The following DEFB112 variants were observed in gnomAD, a reference collection of about 807,000 sequenced individuals.
DEFB112 encodes the protein defensin beta 112.
In DEFB112, 2 loss-of-function variants were observed where a neutral mutation model predicts 1.1. The observed-to-expected ratio is 1.85, with a 90% confidence interval of 0.76 to 5.83. The LOEUF (loss-of-function observed/expected upper bound fraction) is 5.83. Among genes scored for constraint, DEFB112 ranks in the 30% most tolerant of loss-of-function variants. DEFB112 has a pLI of 0.05. For missense variants in DEFB112, 120 were observed against 94.4 expected (o/e 1.27, Z -1.12); for synonymous variants, 40 against 31.2 (o/e 1.28, Z -0.93).
rs1774766264 is a variant in DEFB112 at position 50,042,801 on chromosome 6, T to C, written c.*774A>G. Among the ~76,000 whole-genome samples the C allele has an allele frequency of 6.6e-6, 1 of 152,002 alleles. No individual in the cohort carries two copies. The highest frequency in any genetic ancestry group is 2.1e-4 in the South Asian group (1 of 4,832). On this transcript the variant is annotated 3_prime_UTR_variant, in exon 2 of 2. Transcript: ENST00000651554. ...ATAATAGAAATTATATGTGTGAGCA[T>C]GCATACACACATATATAATTCTGTT...
intron 1 of DEFB112, among the ~76,000 whole-genome samples, chr6:50,045,754 G>A (rs553932630): frequency 5.5e-4 from 84 of 152,122 alleles, no homozygotes; most frequent in Non-Finnish European, 1.1e-3. Context: ...CTACAAAATG[G>A]CACCTGTTAC....
chr6:50,047,811 C>A (rs1413830511), intron 1 of DEFB112, among the ~76,000 whole-genome samples: 1 of 152,066 alleles, frequency 6.6e-6, no homozygotes, highest in East Asian at 1.9e-4. Context: ...CTTTTTATAT[C>A]CAAAAATATC....
At position 50,043,236 on chromosome 6, in the gene DEFB112, C is replaced by G. The variant is rs554724027; in HGVS notation, c.*339G>C. On this transcript the variant is annotated 3_prime_UTR_variant, in exon 2 of 2. Transcript: ENST00000651554. ...ATCAACTCTGTCCCCACTCCTGAGT[C>G]TCCTCAAAGAATTCTTGATAATACC... Among the ~76,000 whole-genome samples, 1 of 151,992 alleles carries G rather than the reference C, an allele frequency of 6.6e-6. No homozygotes were observed. The highest frequency in any genetic ancestry group is 1.5e-5 in the Non-Finnish European group (1 of 67,964).
At chr6:50,048,502 A>G in intron 1 of DEFB112, 1 of 1,539,944 alleles carries the variant, frequency 6.5e-7, no homozygotes, top group South Asian at 1.1e-5. Flanking sequence ...ATTGATTAAA[A>G]TGTGCAAGAC....
chr6:50,045,606 G>A (rs1332368427), intron 1 of DEFB112, among the ~76,000 whole-genome samples: 2 of 151,940 alleles, frequency 1.3e-5, no homozygotes, highest in Admixed American at 6.6e-5. Flanking sequence ...TGTCACTTAG[G>A]GACAGGGATA....
chr6:50,047,186 G>T (rs1008821122), intron 1 of DEFB112, among the ~76,000 whole-genome samples: 1 of 152,198 alleles, frequency 6.6e-6, no homozygotes, highest in African/African-American at 2.4e-5. Flanking sequence ...GCCTGGAGGG[G>T]CAGTGAGCTG....
At chr6:50,043,896 G>T (rs761230519) in intron 1 of DEFB112, 95 bp from the exon 2 acceptor site, 1 of 1,008,846 alleles carries the variant, frequency 9.9e-7, no homozygotes, top group Non-Finnish European at 1.5e-6. Context: ...CAACAGAGGA[G>T]AAATAAAGGA....
intron 1 of DEFB112, among the ~76,000 whole-genome samples, chr6:50,044,431 T>G (rs1330391365): frequency 6.6e-6 from 1 of 152,134 alleles, no homozygotes; most frequent in Non-Finnish European, 1.5e-5. Flanking sequence ...TTGCCATTTT[T>G]CTCTTTCATC....
At chr6:50,044,823 A>G (rs1774806952) in intron 1 of DEFB112, among the ~76,000 whole-genome samples, 1 of 152,060 alleles carries the variant, frequency 6.6e-6, no homozygotes, top group Non-Finnish European at 1.5e-5. Context: ...AGTCCTTATC[A>G]CTGATGTCTG....
At chr6:50,048,682 T>C in intron 1 of DEFB112, 4 of 1,503,840 alleles carry the variant, frequency 2.7e-6, no homozygotes, top group Non-Finnish European at 3.7e-6. Flanking sequence ...AAGAGCTCAC[T>C]GTAAAGTGAA....
intron 1 of DEFB112, among the ~76,000 whole-genome samples, chr6:50,045,935 G>T (rs750945468): frequency 2.0e-5 from 3 of 152,110 alleles, no homozygotes; most frequent in African/African-American, 7.2e-5. Context: ...CATACGTTCA[G>T]TGGATACAAT....
chr6:50,047,078 G>A (rs182907406), intron 1 of DEFB112, among the ~76,000 whole-genome samples: 4 of 152,236 alleles, frequency 2.6e-5, no homozygotes, highest in Admixed American at 6.5e-5. Flanking sequence ...GGAACACTGG[G>A]GCCAGCCTAG....
Position 50,043,016 on chromosome 6 carries a change from A to G in DEFB112, c.*559T>C, listed in dbSNP as rs973424672. 1.3e-5 allele frequency among the ~76,000 whole-genome samples: 2 copies of G among 151,864 alleles called. No individual in the cohort carries two copies. The highest frequency in any genetic ancestry group is 2.9e-5 in the Non-Finnish European group (2 of 67,900). On this transcript the variant is annotated 3_prime_UTR_variant, in exon 2 of 2. Transcript: ENST00000651554. ...TTACCATTCTTCTTTTCCTTCCTCA[A>G]CCTAGTCTCCCTCTATTCTACCTTT...
intron 1 of DEFB112, among the ~76,000 whole-genome samples, chr6:50,046,988 T>G (rs1159960406): frequency 6.6e-6 from 1 of 152,176 alleles, no homozygotes; most frequent in African/African-American, 2.4e-5. Context: ...CCCTGATGAC[T>G]ATGGCTGTGG....
intron 1 of DEFB112, among the ~76,000 whole-genome samples, chr6:50,046,546 G>GT (rs1658477040): frequency 6.6e-6 from 1 of 152,058 alleles, no homozygotes; most frequent in Non-Finnish European, 1.5e-5. Context: ...GTTTATCGTG[G>GT]TTTAAATTAG....
chr6:50,043,536 CTTCA>C lies in DEFB112; in HGVS notation c.*35_*38del. On this transcript the variant is annotated 3_prime_UTR_variant, in exon 2 of 2. Coordinates refer to ENST00000651554, the MANE Select transcript of DEFB112 (RefSeq NM_001369057.2). ...ATGAAGTGATGAAATAATGAGAGGA[CTTCA>C]TTCAGATGTATCATCTTCTTGTGCA... The C allele has an allele frequency of 6.6e-7, 1 of 1,516,828 alleles. No individual in the cohort carries two copies. Among genetic ancestry groups the C allele is most frequent in the Non-Finnish European group, 9.1e-7 (1 of 1,096,528 alleles). 94.0% of individuals were successfully genotyped at this position (1,516,828 alleles called of 1,614,324 possible).
At chr6:50,048,654 G>A (rs1220806709) in intron 1 of DEFB112, 2 of 1,601,720 alleles carry the variant, frequency 1.2e-6, no homozygotes, top group Admixed American at 3.3e-5. Flanking sequence ...AATTTCATAA[G>A]AGTGCTAAGA....
rs1427054896 is a variant in DEFB112 at position 50,042,396 on chromosome 6, T to C, written c.*1179A>G. Among the ~76,000 whole-genome samples, 2 of 152,026 alleles carry C rather than the reference T, an allele frequency of 1.3e-5. No individual in the cohort carries two copies. Among genetic ancestry groups the C allele is most frequent in the African/African-American group, 4.8e-5 (2 of 41,422 alleles). Reference sequence around the variant, plus strand: ...AAGATTAACCCAAAGCTGAAATGTGTATATGTCACAGCAGCATAAGAAACC... The same window carrying C: ...AAGATTAACCCAAAGCTGAAATGTGCATATGTCACAGCAGCATAAGAAACC... On this transcript the variant is annotated 3_prime_UTR_variant, in exon 2 of 2. Transcript: ENST00000651554.
chr6:50,049,103 C>T (rs1343859779), intron 1 of DEFB112, among the ~76,000 whole-genome samples: 2 of 151,998 alleles, frequency 1.3e-5, no homozygotes, highest in African/African-American at 4.8e-5. Context: ...TGTTGGTTTA[C>T]ATTATTAACT....
Sources: allele counts gnomAD v4.1 joint callset (sites outside exome capture counted in the v4.1 genomes callset), GRCh38; gene constraint gnomAD v4.1.1; transcripts MANE v1.5; gene names NCBI Gene and HGNC (gene_info 2026-07-23, HGNC 2026-07-21).